KIRREL3: variants seen among roughly 807,000 people sequenced by gnomAD.
KIRREL3 encodes kirre like nephrin family adhesion molecule 3, also known as kin of IRRE-like protein 3.
KIRREL3 carries 36 observed loss-of-function variants against 89.7 expected under a neutral mutation model. The observed-to-expected ratio is 0.40, with a 90% CI of 0.31 to 0.53. The LOEUF (loss-of-function observed/expected upper bound fraction) is 0.53, where lower values mean the gene tolerates loss of function less well. Among genes scored for constraint, KIRREL3 ranks in the 20% least tolerant of loss-of-function variants. The pLI, the probability that KIRREL3 is intolerant of heterozygous loss-of-function variation, is 0.49. For synonymous variants in KIRREL3, 445 were observed against 441.4 expected (o/e 1.01, Z -0.10); for missense variants, 864 against 1,056.6 (o/e 0.82, Z 2.53).
In KIRREL3 at chr11:126,997,570, C is replaced by T. The variant is rs957922057; in HGVS notation, c.55+2885G>A. On this transcript the variant is annotated intron_variant, in intron 1 of 16. Transcript: ENST00000525144. The surrounding 1 kb of genome is among the most constrained non-coding windows in gnomAD (Gnocchi z 4.3). ...CAAAGAATAGGGACCCACCATATTA[C>T]TGATATTAATTATACATTGATTTCT... Among the ~76,000 whole-genome samples the T allele has an allele frequency of 1.3e-5, 2 of 152,166 alleles. No homozygotes were observed. Among genetic ancestry groups the T allele is most frequent in the South Asian group, 2.1e-4 (1 of 4,828 alleles).
rs142244778 is a variant in KIRREL3 at position 126,931,860 on chromosome 11, C to T, written c.55+68595G>A. Among the ~76,000 whole-genome samples the T allele has an allele frequency of 1.7e-3, 257 of 152,276 alleles. 1 individual carries two copies. Among genetic ancestry groups the T allele is most frequent in the African/African-American group, 5.7e-3 (237 of 41,552 alleles). ...GGAGCCCCAGGACACGTGTTGCCTT[C>T]TCACCCCAATAGGAGTAGATGGACG... On this transcript the variant is annotated intron_variant, in intron 1 of 16. Coordinates refer to ENST00000525144, the MANE Select transcript of KIRREL3 (RefSeq NM_032531.4). The surrounding 1 kb of genome is among the most constrained non-coding windows in gnomAD (Gnocchi z 5.1).
rs1386888804 is a variant in KIRREL3 at position 126,876,263 on chromosome 11, T to C, written c.55+124192A>G. On this transcript the variant is annotated intron_variant, in intron 1 of 16. Coordinates refer to ENST00000525144, the MANE Select transcript of KIRREL3 (RefSeq NM_032531.4). The surrounding 1 kb of genome is among the most constrained non-coding windows in gnomAD (Gnocchi z 4.1). ...CTGCGGCTGACCTGCAGAGGTGCTG[T>C]TCAGGAAGAAACAGATCTGCTGGAG... Among the ~76,000 whole-genome samples the C allele has an allele frequency of 6.6e-6, 1 of 152,216 alleles. No individual in the cohort carries two copies. The highest frequency in any genetic ancestry group is 2.4e-5 in the African/African-American group (1 of 41,454).
At chr11:126,881,255 C>A (rs565841551) in intron 1 of KIRREL3, among the ~76,000 whole-genome samples, 15 of 152,308 alleles carry the variant, frequency 9.8e-5, no homozygotes, top group African/African-American at 2.9e-4. Flanking sequence ...ACTCCCCCTC[C>A]CCCTCTCTGT....
chr11:126,905,247 G>A lies in KIRREL3; in HGVS notation c.55+95208C>T, dbSNP rs1397756924. Among the ~76,000 whole-genome samples, 1 of 152,078 alleles carries A rather than the reference G, an allele frequency of 6.6e-6. No homozygotes were observed. The highest frequency in any genetic ancestry group is 2.4e-5 in the African/African-American group (1 of 41,390). On this transcript the variant is annotated intron_variant, in intron 1 of 16. Transcript: ENST00000525144. The surrounding 1 kb of genome is among the most constrained non-coding windows in gnomAD (Gnocchi z 5.0). The stretch of plus-strand genomic sequence containing the variant: ...CACCTTCCATGGCAAGGGGAGGGTG[G>A]GTGATATTTTTTAGTGAAGGAGATG...
In KIRREL3 at chr11:126,555,809, C is replaced by T. The variant is rs1488001453; in HGVS notation, c.133+7026G>A. 6.6e-6 allele frequency among the ~76,000 whole-genome samples: 1 copy of T among 150,898 alleles called. No homozygotes were observed. Among genetic ancestry groups the T allele is most frequent in the Admixed American group, 6.6e-5 (1 of 15,158 alleles). ...AGGCTGGAGTGCAGTGGCACGATCT[C>T]GGCTCACTGCAACCTCCGCCTCCCA... is the stretch of plus-strand genomic sequence containing the variant. On this transcript the variant is annotated intron_variant, in intron 2 of 16. Coordinates refer to ENST00000525144, the MANE Select transcript of KIRREL3 (RefSeq NM_032531.4). This position sits in a 1 kb window ranked among gnomAD's most constrained non-coding sequence, Gnocchi z 4.2.
chr11:126,677,638 G>A lies in KIRREL3; in HGVS notation c.56-114726C>T, dbSNP rs1417535019. 1.3e-5 allele frequency among the ~76,000 whole-genome samples: 2 copies of A among 152,224 alleles called. No homozygotes were observed. Among genetic ancestry groups the A allele is most frequent in the African/African-American group, 4.8e-5 (2 of 41,468 alleles). ...CTGAGCTGTCGCTGTGCTAGGTGCT[G>A]AAGCAGGGCTGGGATGGGGGTGTGA... On this transcript the variant is annotated intron_variant, in intron 1 of 16. Transcript: ENST00000525144. This position sits in a 1 kb window ranked among gnomAD's most constrained non-coding sequence, Gnocchi z 5.1.
intron 1 of KIRREL3, among the ~76,000 whole-genome samples, chr11:126,777,530 C>T (rs917292785): frequency 1.3e-5 from 2 of 152,182 alleles, no homozygotes; most frequent in Non-Finnish European, 2.9e-5. Flanking sequence ...GCAGAGCTGA[C>T]TCCCAGCACA....
In KIRREL3 at chr11:126,747,256, A is replaced by G. The variant is rs1318778108; in HGVS notation, c.56-184344T>C. On this transcript the variant is annotated intron_variant, in intron 1 of 16. Coordinates refer to ENST00000525144, the MANE Select transcript of KIRREL3 (RefSeq NM_032531.4). The surrounding 1 kb of genome is among the most constrained non-coding windows in gnomAD (Gnocchi z 4.7). Reference sequence around the variant, plus strand: ...CCTGACAAGTTGTAACCCTCAGTAAATAACACAATCAGTGTATACTTACAA... The same window carrying G: ...CCTGACAAGTTGTAACCCTCAGTAAGTAACACAATCAGTGTATACTTACAA... Among the ~76,000 whole-genome samples, 1 of 152,238 alleles carries G rather than the reference A, an allele frequency of 6.6e-6. No homozygotes were observed. Among genetic ancestry groups the G allele is most frequent in the Admixed American group, 6.5e-5 (1 of 15,290 alleles).
chr11:126,647,526 C>A lies in KIRREL3; in HGVS notation c.56-84614G>T, dbSNP rs890847468. Among the ~76,000 whole-genome samples the A allele has an allele frequency of 6.6e-6, 1 of 152,182 alleles. No homozygotes were observed. The highest frequency in any genetic ancestry group is 1.5e-5 in the Non-Finnish European group (1 of 68,046). ...CATTCAGCAAACGTTTATCAGGCAC[C>A]TTTTAGTGTAAGGTACTCTGCTGGG... On this transcript the variant is annotated intron_variant, in intron 1 of 16. Transcript: ENST00000525144. This position sits in a 1 kb window ranked among gnomAD's most constrained non-coding sequence, Gnocchi z 4.9.
chr11:126,857,782 TGGGG>T (rs1555062404), intron 1 of KIRREL3, among the ~76,000 whole-genome samples: 1 of 120,128 alleles, frequency 8.3e-6, no homozygotes, highest in African/African-American at 3.1e-5. Context: ...CTTCAGGCTG[TGGGG>T]GTGGGGTGGG....
intron 1 of KIRREL3, among the ~76,000 whole-genome samples, chr11:126,691,967 G>A (rs540299190): frequency 9.2e-5 from 14 of 152,282 alleles, no homozygotes; most frequent in Non-Finnish European, 1.9e-4. Flanking sequence ...TGATAGTGAG[G>A]TATCACCTCA....
At chr11:126,442,343 C>T (rs1014805408) in intron 10 of KIRREL3, among the ~76,000 whole-genome samples, 5 of 138,980 alleles carry the variant, frequency 3.6e-5, no homozygotes, top group Admixed American at 1.4e-4. Context: ...CACACACACA[C>T]ACACACACAC....
chr11:126,662,358 C>G (rs1290904996), intron 1 of KIRREL3, among the ~76,000 whole-genome samples: 2 of 152,210 alleles, frequency 1.3e-5, no homozygotes, highest in African/African-American at 2.4e-5. Flanking sequence ...CTTATGAAAG[C>G]CATGCACTGG....
chr11:126,604,037 C>T (rs1011917730), intron 1 of KIRREL3, among the ~76,000 whole-genome samples: 4 of 152,216 alleles, frequency 2.6e-5, no homozygotes, highest in Admixed American at 2.6e-4. Context: ...GACTTCCTTC[C>T]TTCCTTCCTG....
chr11:126,812,407 A>C lies in KIRREL3; in HGVS notation c.55+188048T>G, dbSNP rs762491618. On this transcript the variant is annotated intron_variant, in intron 1 of 16. Transcript: ENST00000525144. The surrounding 1 kb of genome is among the most constrained non-coding windows in gnomAD (Gnocchi z 5.2). ...GGATTTATTCAGATTCAGTGACAGC[A>C]CTTCTTGAACTCTGACACCACTCCA... Among the ~76,000 whole-genome samples the C allele has an allele frequency of 6.6e-6, 1 of 152,140 alleles. No homozygotes were observed. Among genetic ancestry groups the C allele is most frequent in the Non-Finnish European group, 1.5e-5 (1 of 68,024 alleles).
rs937910151 is a variant in KIRREL3 at position 126,570,828 on chromosome 11, C to T, written c.56-7916G>A. On this transcript the variant is annotated intron_variant, in intron 1 of 16. Coordinates refer to ENST00000525144, the MANE Select transcript of KIRREL3 (RefSeq NM_032531.4). The surrounding 1 kb of genome is among the most constrained non-coding windows in gnomAD (Gnocchi z 6.1). ...TCTACATGCCCATGTGGTCATCTATCCTTCGGCTTCTCCAAATCTCTGCTC... is the reference window on the plus strand; with the variant it reads ...TCTACATGCCCATGTGGTCATCTATTCTTCGGCTTCTCCAAATCTCTGCTC... 6.6e-6 allele frequency among the ~76,000 whole-genome samples: 1 copy of T among 152,202 alleles called. No homozygotes were observed. The highest frequency in any genetic ancestry group is 1.5e-5 in the Non-Finnish European group (1 of 68,028).
chr11:126,624,775 C>G lies in KIRREL3; in HGVS notation c.56-61863G>C, dbSNP rs971219350. 1.3e-5 allele frequency among the ~76,000 whole-genome samples: 2 copies of G among 152,162 alleles called. No homozygotes were observed. Among genetic ancestry groups the G allele is most frequent in the Non-Finnish European group, 1.5e-5 (1 of 68,042 alleles). On this transcript the variant is annotated intron_variant, in intron 1 of 16. Coordinates refer to ENST00000525144, the MANE Select transcript of KIRREL3 (RefSeq NM_032531.4). This position sits in a 1 kb window ranked among gnomAD's most constrained non-coding sequence, Gnocchi z 6.0. ...GTGTCATGATGTAATGCAGGGAGAC[C>G]TCCAGATGCTTGACTTGAGGCCAAC... is the stretch of plus-strand genomic sequence containing the variant.
Position 126,635,156 on chromosome 11 carries a change from G to A in KIRREL3, c.56-72244C>T, listed in dbSNP as rs1054316910. On this transcript the variant is annotated intron_variant, in intron 1 of 16. Coordinates refer to ENST00000525144, the MANE Select transcript of KIRREL3 (RefSeq NM_032531.4). The surrounding 1 kb of genome is among the most constrained non-coding windows in gnomAD (Gnocchi z 4.0). ...AACCTTGAACCCAACAAAAGGGTCT[G>A]CAGTGAGGCAGGGCTGGACAGCTCC... is the stretch of plus-strand genomic sequence containing the variant. Among the ~76,000 whole-genome samples the A allele has an allele frequency of 6.6e-6, 1 of 152,242 alleles. No individual in the cohort carries two copies. Among genetic ancestry groups the A allele is most frequent in the Admixed American group, 6.5e-5 (1 of 15,284 alleles).
chr11:126,585,579 G>T (rs993987763), intron 1 of KIRREL3, among the ~76,000 whole-genome samples: 3 of 152,202 alleles, frequency 2.0e-5, no homozygotes, highest in Non-Finnish European at 2.9e-5. Flanking sequence ...TTATCAAGAG[G>T]CTTCGCTCCC....
Sources: gnomAD v4.1 joint callset for allele counts (sites outside exome capture counted in the v4.1 genomes callset) on GRCh38, gnomAD v4.1.1 for gene constraint, Gnocchi (gnomAD v3.1) non-coding constraint, MANE v1.5 for transcripts, NCBI Gene and HGNC (gene_info 2026-07-23, HGNC 2026-07-21) for gene names.